PPP1R12A: variants seen among roughly 807,000 people sequenced by gnomAD.
PPP1R12A encodes myosin binding subunit.
In PPP1R12A, 19 loss-of-function variants were observed where a neutral mutation model predicts 139.6. The ratio of observed to expected loss-of-function variants is 0.14; its 90% confidence interval spans 0.09 to 0.20. The LOEUF (loss-of-function observed/expected upper bound fraction) is 0.20, where lower values mean the gene tolerates loss of function less well. Among genes scored for constraint, PPP1R12A ranks in the 10% least tolerant of loss-of-function variants. The pLI is 1.00. For synonymous variants in PPP1R12A, 427 were observed against 420.6 expected (o/e 1.02, Z -0.19); for missense variants, 925 against 1,211.5 (o/e 0.76, Z 3.51).
intron 2 of PPP1R12A, among the ~76,000 whole-genome samples, chr12:79,868,546 C>T (rs538113330): frequency 1.4e-4 from 21 of 152,280 alleles, no homozygotes; most frequent in African/African-American, 5.1e-4. Flanking sequence ...TTGGTTTCTT[C>T]ATAGGCCTCT....
At chr12:79,916,491 A>G (rs1204000664) in intron 1 of PPP1R12A, among the ~76,000 whole-genome samples, 1 of 152,162 alleles carries the variant, frequency 6.6e-6, no homozygotes, top group Non-Finnish European at 1.5e-5. Flanking sequence ...ATTATCTCCT[A>G]TTGGATTGTT....
intron 2 of PPP1R12A, among the ~76,000 whole-genome samples, chr12:79,850,266 CTATT>C (rs1317333011): frequency 6.6e-6 from 1 of 152,106 alleles, no homozygotes; most frequent in Non-Finnish European, 1.5e-5. Context: ...TTTTACAAAA[CTATT>C]TATGTGCTAA....
intron 5 of PPP1R12A, among the ~76,000 whole-genome samples, chr12:79,822,939 C>A (rs1345517978): frequency 1.3e-5 from 2 of 151,456 alleles, no homozygotes; most frequent in Non-Finnish European, 2.9e-5. Context: ...GGTAATTTAA[C>A]CTTTTGAGAC....
At chr12:79,832,278 A>C in intron 4 of PPP1R12A, 54 bp downstream of exon 4, 1 of 1,480,736 alleles carries the variant, frequency 6.8e-7, no homozygotes, top group East Asian at 2.4e-5. Flanking sequence ...AAAAGGAACA[A>C]TGAATAAAGA....
intron 2 of PPP1R12A, among the ~76,000 whole-genome samples, chr12:79,869,532 T>C (rs1045481717): frequency 1.3e-5 from 2 of 152,138 alleles, no homozygotes; most frequent in Non-Finnish European, 2.9e-5. Context: ...AAATGACCCT[T>C]ATACAAACTG....
At chr12:79,805,267 C>A (rs2137055453) in intron 14 of PPP1R12A, among the ~76,000 whole-genome samples, 1 of 152,214 alleles carries the variant, frequency 6.6e-6, no homozygotes, top group Admixed American at 6.5e-5. Flanking sequence ...TCTAATTTTC[C>A]CTAAGTGTGT....
chr12:79,788,921 G>A, intron 20 of PPP1R12A, 138 bp from the exon 21 acceptor site: 2 of 734,722 alleles, frequency 2.7e-6, no homozygotes, highest in Non-Finnish European at 2.0e-6. Context: ...TAATTTTTGT[G>A]ATATATAATA....
chr12:79,889,806 C>T (rs2137417077), intron 1 of PPP1R12A, among the ~76,000 whole-genome samples: 1 of 152,230 alleles, frequency 6.6e-6, no homozygotes, highest in African/African-American at 2.4e-5. Flanking sequence ...ATTTTGGAGT[C>T]AGAAGTCCAA....
chr12:79,898,382 G>C (rs1014134983), intron 1 of PPP1R12A, among the ~76,000 whole-genome samples: 2 of 152,296 alleles, frequency 1.3e-5, no homozygotes, highest in East Asian at 3.9e-4. Context: ...CTTGAACCCG[G>C]GACGTGGAGG....
At chr12:79,898,292 T>C (rs1372534474) in intron 1 of PPP1R12A, among the ~76,000 whole-genome samples, 1 of 151,942 alleles carries the variant, frequency 6.6e-6, no homozygotes, top group Non-Finnish European at 1.5e-5. Context: ...TCTACTAAAA[T>C]ACAAAAAGAA....
At chr12:79,821,215 A>G in intron 6 of PPP1R12A, 49 bp from the exon 7 acceptor site, 2 of 1,274,364 alleles carry the variant, frequency 1.6e-6, no homozygotes, top group South Asian at 1.3e-5. Context: ...TTAAGATACT[A>G]TTACTAAGAT....
At chr12:79,910,324 A>C (rs1886464026) in intron 1 of PPP1R12A, among the ~76,000 whole-genome samples, 1 of 151,902 alleles carries the variant, frequency 6.6e-6, no homozygotes, top group East Asian at 1.9e-4. Flanking sequence ...CACTAAAAAT[A>C]CAAAAATTAG....
At chr12:79,917,239 C>T (rs1468763062) in intron 1 of PPP1R12A, among the ~76,000 whole-genome samples, 1 of 152,070 alleles carries the variant, frequency 6.6e-6, no homozygotes, top group African/African-American at 2.4e-5. Flanking sequence ...GTAATCCCAG[C>T]ACTTTGGGAG....
At chr12:79,902,152 T>TCA (rs1279454778) in intron 1 of PPP1R12A, among the ~76,000 whole-genome samples, 4 of 152,170 alleles carry the variant, frequency 2.6e-5, no homozygotes, top group African/African-American at 9.7e-5. Flanking sequence ...GTCAACTACT[T>TCA]CATATATCTC....
intron 1 of PPP1R12A, among the ~76,000 whole-genome samples, chr12:79,880,982 T>C (rs1054004191): frequency 1.3e-5 from 2 of 152,134 alleles, no homozygotes; most frequent in African/African-American, 2.4e-5. Flanking sequence ...ACTATTTCAA[T>C]TGTTTTGGGG....
At chr12:79,912,388 A>AT (rs1398839643) in intron 1 of PPP1R12A, among the ~76,000 whole-genome samples, 1 of 152,202 alleles carries the variant, frequency 6.6e-6, no homozygotes, top group Non-Finnish European at 1.5e-5. Flanking sequence ...GCAGGCAAAC[A>AT]TTTTTTAAAT....
chr12:79,813,341 T>G (rs1261100260), intron 9 of PPP1R12A, among the ~76,000 whole-genome samples: 1 of 152,200 alleles, frequency 6.6e-6, no homozygotes, highest in Admixed American at 6.5e-5. Flanking sequence ...TTAAGATTTA[T>G]CTAAAATGTC....
intron 2 of PPP1R12A, among the ~76,000 whole-genome samples, chr12:79,847,663 A>C (rs754379516): frequency 2.6e-5 from 4 of 152,136 alleles, no homozygotes; most frequent in Non-Finnish European, 4.4e-5. Context: ...ATAGTCTAGT[A>C]AGACAGTCAG....
intron 22 of PPP1R12A, among the ~76,000 whole-genome samples, chr12:79,784,125 T>C (rs916928640): frequency 1.3e-5 from 2 of 152,120 alleles, no homozygotes; most frequent in African/African-American, 4.8e-5. Flanking sequence ...ACGCAAATAT[T>C]TGTGTATTTG....
Sources: allele counts gnomAD v4.1 joint callset (sites outside exome capture counted in the v4.1 genomes callset), GRCh38; gene constraint gnomAD v4.1.1; transcripts MANE v1.5; gene names NCBI Gene and HGNC (gene_info 2026-07-23, HGNC 2026-07-21).